Variants in MRPS28 observed in about 807,000 individuals in gnomAD.
MRPS28 encodes the protein mitochondrial ribosomal protein S28.
In MRPS28, 7 loss-of-function variants were observed where a neutral mutation model predicts 10.8. The ratio of observed to expected loss-of-function variants is 0.65; its 90% CI spans 0.37 to 1.22. The LOEUF is 1.22. Ranked by LOEUF, MRPS28 falls within the 50% of genes most tolerant of loss-of-function variation. The pLI is 0.02. For missense variants in MRPS28, 265 were observed against 232.9 expected (o/e 1.14, Z -0.90); for synonymous variants, 121 against 93.3 (o/e 1.30, Z -1.71).
At chr8:79,958,173 A>T in intron 2 of MRPS28, 1 of 514,556 alleles carries the variant, frequency 1.9e-6, no homozygotes, top group Non-Finnish European at 3.4e-6. Flanking sequence ...CCCCTCCCCT[A>T]TTCTAGACTC....
chr8:79,931,440 G>C (rs1208717643), intron 2 of MRPS28, among the ~76,000 whole-genome samples: 3 of 152,172 alleles, frequency 2.0e-5, no homozygotes, highest in Admixed American at 2.0e-4. Context: ...CCTGTTTACT[G>C]GTGGGAACTA....
At chr8:80,020,042 G>A (rs1809311956) in intron 1 of MRPS28, among the ~76,000 whole-genome samples, 1 of 152,166 alleles carries the variant, frequency 6.6e-6, no homozygotes, top group Admixed American at 6.5e-5. Context: ...TGGTTACACT[G>A]GTTCAGTCCA....
At chr8:79,921,818 T>C (rs1359726776) in intron 2 of MRPS28, among the ~76,000 whole-genome samples, 4 of 152,104 alleles carry the variant, frequency 2.6e-5, no homozygotes, top group Non-Finnish European at 4.4e-5. Context: ...TCCAACACTA[T>C]GTTGAAAAGG....
intron 2 of MRPS28, among the ~76,000 whole-genome samples, chr8:79,986,852 A>C (rs897645165): frequency 1.3e-5 from 2 of 152,128 alleles, no homozygotes; most frequent in African/African-American, 4.8e-5. Flanking sequence ...CATACTGCCC[A>C]AGGTAATTTA....
At chr8:79,997,603 C>A (rs1358313975) in intron 2 of MRPS28, among the ~76,000 whole-genome samples, 1 of 150,840 alleles carries the variant, frequency 6.6e-6, no homozygotes, top group Non-Finnish European at 1.5e-5. Context: ...ATTCAAGCAG[C>A]AGAGATGGGG....
intron 2 of MRPS28, chr8:79,957,519 G>A (rs1181051073): frequency 7.3e-6 from 1 of 136,058 alleles, no homozygotes; most frequent in Non-Finnish European, 1.5e-5. Context: ...AGACCAGCTT[G>A]AGCAACACAG....
chr8:80,013,190 G>A (rs1330278445), intron 1 of MRPS28, among the ~76,000 whole-genome samples: 1 of 152,024 alleles, frequency 6.6e-6, no homozygotes, highest in East Asian at 1.9e-4. Flanking sequence ...TTTCTCATTT[G>A]TAAATTAAAG....
At chr8:79,976,022 G>A (rs972370901) in intron 2 of MRPS28, among the ~76,000 whole-genome samples, 5 of 152,118 alleles carry the variant, frequency 3.3e-5, no homozygotes, top group Non-Finnish European at 5.9e-5. Context: ...GGGAAGGCGG[G>A]GGAAGACCTA....
chr8:80,021,292 C>T (rs1164846537), intron 1 of MRPS28, among the ~76,000 whole-genome samples: 5 of 152,142 alleles, frequency 3.3e-5, no homozygotes, highest in South Asian at 2.1e-4. Context: ...TGAGCCACTG[C>T]GCCCAGCCAC....
At chr8:79,999,285 G>A (rs1808591603) in intron 2 of MRPS28, among the ~76,000 whole-genome samples, 1 of 152,174 alleles carries the variant, frequency 6.6e-6, no homozygotes, top group Admixed American at 6.5e-5. Context: ...GTACAAAAAG[G>A]GGAAGACCAC....
intron 2 of MRPS28, among the ~76,000 whole-genome samples, chr8:79,957,629 G>C (rs1708922710): frequency 6.6e-6 from 1 of 151,956 alleles, no homozygotes; most frequent in Non-Finnish European, 1.5e-5. Context: ...GAGGGCAAGG[G>C]GATCACTTGA....
In MRPS28 at chr8:80,013,042, G is replaced by A. The variant is rs529324473; in HGVS notation, c.214-9862C>T. 2.6e-5 allele frequency among the ~76,000 whole-genome samples: 4 copies of A among 151,956 alleles called. No homozygotes were observed. The South Asian group carries it at 8.3e-4, about 32-fold the overall frequency. Reference sequence around the variant, plus strand: ...AACTTGCTGCAGAAGATAGAAAATAGATAAAAACATCATAGCAAACTTAAA... The same window carrying A: ...AACTTGCTGCAGAAGATAGAAAATAAATAAAAACATCATAGCAAACTTAAA... On this transcript the variant is annotated intron_variant, in intron 1 of 2. Coordinates refer to ENST00000276585, the MANE Select transcript of MRPS28 (RefSeq NM_014018.3).
At chr8:79,988,110 A>C (rs368288079) in intron 2 of MRPS28, among the ~76,000 whole-genome samples, 4,757 of 151,988 alleles carry the variant, frequency 0.031, 134 homozygotes, top group African/African-American at 0.059. Flanking sequence ...TGATGAGTTC[A>C]TGTCCTTTGT....
At chr8:79,934,783 T>C (rs2129909607) in intron 2 of MRPS28, among the ~76,000 whole-genome samples, 1 of 152,354 alleles carries the variant, frequency 6.6e-6, no homozygotes, top group East Asian at 1.9e-4. Flanking sequence ...AACAAAACTT[T>C]ATCTTAAATG....
At chr8:79,956,533 G>C (rs192858925) in intron 2 of MRPS28, 5 of 152,090 alleles carry the variant, frequency 3.3e-5, no homozygotes, top group Admixed American at 3.3e-4. Flanking sequence ...TGTTACATAG[G>C]TAAACATATG....
At chr8:79,984,813 C>G in intron 2 of MRPS28, among the ~76,000 whole-genome samples, 1 of 152,176 alleles carries the variant, frequency 6.6e-6, no homozygotes, top group Non-Finnish European at 1.5e-5. Context: ...TAGACTCCCA[C>G]TCAATAATAA....
At chr8:79,989,426 G>T (rs1438264191) in intron 2 of MRPS28, among the ~76,000 whole-genome samples, 1 of 152,180 alleles carries the variant, frequency 6.6e-6, no homozygotes, top group Non-Finnish European at 1.5e-5. Flanking sequence ...AAGAACAGAT[G>T]CCTAAGAGTG....
chr8:79,921,316 A>T (rs113837622), intron 2 of MRPS28, among the ~76,000 whole-genome samples: 2 of 151,798 alleles, frequency 1.3e-5, no homozygotes, highest in Admixed American at 1.3e-4. Flanking sequence ...GTTTTTTCCA[A>T]TTCTGTGAAG....
At chr8:79,949,608 C>A (rs908301863) in intron 2 of MRPS28, among the ~76,000 whole-genome samples, 2 of 152,086 alleles carry the variant, frequency 1.3e-5, no homozygotes, top group Non-Finnish European at 2.9e-5. Flanking sequence ...CTCCTATAAT[C>A]AGATATTATG....
Sources: gnomAD v4.1 joint callset for allele counts (sites outside exome capture counted in the v4.1 genomes callset) on GRCh38, gnomAD v4.1.1 for gene constraint, MANE v1.5 for transcripts, NCBI Gene and HGNC (gene_info 2026-07-23, HGNC 2026-07-21) for gene names.